Variants in APBB2 observed in about 807,000 individuals in gnomAD.
APBB2 encodes Fe65-like 1.
In APBB2, 38 loss-of-function variants were observed where a neutral mutation model predicts 82.5. The observed-to-expected ratio is 0.46, with a 90% CI of 0.36 to 0.60. APBB2 has a LOEUF of 0.60. APBB2 is among the 20% of genes least tolerant of loss of function. The pLI is 0.00. For synonymous variants in APBB2, 341 were observed against 368.2 expected, an observed-to-expected ratio of 0.93 and a Z score of 0.85; for missense variants, 772 against 972.3, an observed-to-expected ratio of 0.79 and a Z score of 2.74.
intron 2 of APBB2, among the ~76,000 whole-genome samples, chr4:41,130,722 TCTC>T (rs969303713): frequency 6.6e-6 from 1 of 152,112 alleles, no homozygotes; most frequent in African/African-American, 2.4e-5. Flanking sequence ...CAGAGGCCAG[TCTC>T]CTCGAGTGCC....
intron 12 of APBB2, chr4:40,848,904 C>A: frequency 7.1e-6 from 7 of 985,442 alleles, no homozygotes; most frequent in Non-Finnish European, 8.4e-6. Context: ...TCAACATTCA[C>A]AGCCATCTGA....
rs1300550770 is a variant in APBB2 at position 40,813,547 on chromosome 4, C to T, written c.*2545G>A. The T allele has an allele frequency of 2.6e-5, 4 of 152,164 alleles. No individual in the cohort carries two copies. The highest frequency in any genetic ancestry group is 4.8e-5 in the African/African-American group (2 of 41,446). 9.4% of individuals were successfully genotyped at this position (152,164 alleles called of 1,614,324 possible). ...GAACATACTCTTTAACATAATTTTA[C>T]AAAATTAATTTGCATTTACTATACA... On this transcript the variant is annotated 3_prime_UTR_variant, in exon 18 of 18. Coordinates refer to ENST00000508593, the MANE Select transcript of APBB2 (RefSeq NM_004307.2).
At chr4:40,818,615 G>T (rs545149140) in intron 17 of APBB2, among the ~76,000 whole-genome samples, 3 of 151,994 alleles carry the variant, frequency 2.0e-5, no homozygotes, top group Non-Finnish European at 4.4e-5. Flanking sequence ...CTGGTCAGTG[G>T]GTTCACCTGA....
chr4:40,833,311 T>C (rs1752703135), intron 12 of APBB2, among the ~76,000 whole-genome samples: 1 of 152,170 alleles, frequency 6.6e-6, no homozygotes, highest in Non-Finnish European at 1.5e-5. Context: ...TCCCACCAAC[T>C]TTCCAGCATG....
intron 4 of APBB2, among the ~76,000 whole-genome samples, chr4:41,044,654 T>TTAG (rs1401981758): frequency 6.6e-6 from 1 of 152,242 alleles, no homozygotes; most frequent in Admixed American, 6.5e-5. Flanking sequence ...TTTGAATACC[T>TTAG]TAGGTATGAC....
At chr4:40,898,085 C>T (rs896402794) in intron 10 of APBB2, among the ~76,000 whole-genome samples, 2 of 152,152 alleles carry the variant, frequency 1.3e-5, no homozygotes, top group African/African-American at 4.8e-5. Flanking sequence ...TACTTTCTGG[C>T]TGGTGACTTT....
At chr4:40,867,802 G>A (rs922845845) in intron 12 of APBB2, among the ~76,000 whole-genome samples, 3 of 150,046 alleles carry the variant, frequency 2.0e-5, no homozygotes, top group Non-Finnish European at 4.4e-5. Flanking sequence ...TAATTATATT[G>A]ATCAATTATC....
At chr4:40,858,151 A>G (rs916294067) in intron 12 of APBB2, among the ~76,000 whole-genome samples, 1 of 152,060 alleles carries the variant, frequency 6.6e-6, no homozygotes, top group Non-Finnish European at 1.5e-5. Context: ...AAAATGTCCA[A>G]TTGGCTAAGT....
intron 12 of APBB2, among the ~76,000 whole-genome samples, chr4:40,840,909 T>C (rs1755578569): frequency 6.6e-6 from 1 of 152,190 alleles, no homozygotes; most frequent in Non-Finnish European, 1.5e-5. Flanking sequence ...GTCCTCCCCA[T>C]TGACTCTGAT....
chr4:40,973,037 T>C (rs536772039), intron 6 of APBB2, among the ~76,000 whole-genome samples: 4 of 152,360 alleles, frequency 2.6e-5, no homozygotes, highest in African/African-American at 9.6e-5. Flanking sequence ...TTAGATTCTT[T>C]CCTTCCCATA....
intron 6 of APBB2, among the ~76,000 whole-genome samples, chr4:41,012,199 A>C (rs541619056): frequency 1.3e-5 from 2 of 152,332 alleles, no homozygotes; most frequent in African/African-American, 4.8e-5. Flanking sequence ...AGAACCGGCT[A>C]TACCAGGAAG....
At chr4:41,072,022 C>T (rs1364404054) in intron 3 of APBB2, among the ~76,000 whole-genome samples, 1 of 76,376 alleles carries the variant, frequency 1.3e-5, no homozygotes, top group Non-Finnish European at 2.5e-5. Flanking sequence ...GGAGTTACTA[C>T]TAAAGCACAG....
At chr4:41,094,334 TTA>T (rs1264543792) in intron 3 of APBB2, among the ~76,000 whole-genome samples, 1 of 152,208 alleles carries the variant, frequency 6.6e-6, no homozygotes. Flanking sequence ...GAAGTACACT[TTA>T]CTCTTCGCTT....
intron 4 of APBB2, among the ~76,000 whole-genome samples, chr4:41,045,936 G>A (rs954077480): frequency 2.6e-5 from 4 of 152,028 alleles, no homozygotes; most frequent in African/African-American, 7.2e-5. Flanking sequence ...ATGGCCTTCT[G>A]ATGTTTTATA....
intron 10 of APBB2, among the ~76,000 whole-genome samples, chr4:40,911,186 T>C (rs1349959393): frequency 1.3e-5 from 2 of 152,198 alleles, no homozygotes; most frequent in African/African-American, 4.8e-5. Context: ...AAATAGAGTA[T>C]TTGCAGGATG....
chr4:40,881,554 TAC>T (rs1768616873), intron 12 of APBB2: 1 of 201,050 alleles, frequency 5.0e-6, no homozygotes, highest in Non-Finnish European at 8.5e-6. Context: ...TTTTTTTTGA[TAC>T]AGACTCTCGC....
chr4:40,947,176 G>A (rs1398994461), intron 6 of APBB2, among the ~76,000 whole-genome samples: 1 of 152,204 alleles, frequency 6.6e-6, no homozygotes, highest in African/African-American at 2.4e-5. Context: ...CATCTCAACT[G>A]GGACACATAA....
At chr4:40,976,396 T>C (rs1371307045) in intron 6 of APBB2, among the ~76,000 whole-genome samples, 1 of 152,212 alleles carries the variant, frequency 6.6e-6, no homozygotes, top group African/African-American at 2.4e-5. Context: ...GAACTCACTA[T>C]GAGAATTAGC....
intron 2 of APBB2, among the ~76,000 whole-genome samples, chr4:41,104,867 T>C (rs995782350): frequency 6.6e-6 from 1 of 152,214 alleles, no homozygotes. Flanking sequence ...TTCTAGTGTG[T>C]ATATGTACCA....
Sources: allele counts gnomAD v4.1 joint callset (sites outside exome capture counted in the v4.1 genomes callset), GRCh38; gene constraint gnomAD v4.1.1; transcripts MANE v1.5; gene names NCBI Gene and HGNC (gene_info 2026-07-23, HGNC 2026-07-21).